KATNBL1: variants seen among roughly 807,000 people sequenced by gnomAD.
The protein encoded by KATNBL1 is KATNB1-like protein 1.
Under a neutral mutation model 44.7 loss-of-function variants are expected in KATNBL1, and 28 were observed. The ratio of observed to expected loss-of-function variants is 0.63; its 90% CI spans 0.46 to 0.86. The LOEUF (loss-of-function observed/expected upper bound fraction) is 0.86, where lower values mean the gene tolerates loss of function less well. KATNBL1 is among the 40% of genes least tolerant of loss of function. KATNBL1 has a pLI of 0.00. For synonymous variants in KATNBL1, 78 were observed against 114.9 expected (o/e 0.68, Z 2.06); for missense variants, 272 against 350.7 (o/e 0.78, Z 1.79).
chr15:34,162,052 A>G (rs141838569), intron 2 of KATNBL1, among the ~76,000 whole-genome samples: 2 of 152,204 alleles, frequency 1.3e-5, no homozygotes, highest in South Asian at 2.1e-4. Flanking sequence ...AATTCAACAG[A>G]TAAGTTTTTC....
chr15:34,206,263 C>T (rs1890290635), intron 1 of KATNBL1, among the ~76,000 whole-genome samples: 1 of 151,966 alleles, frequency 6.6e-6, no homozygotes, highest in African/African-American at 2.4e-5. Flanking sequence ...TTGCTCAAGG[C>T]AAAAAGAATT....
intron 1 of KATNBL1, chr15:34,198,345 T>C (rs1046192529): frequency 2.6e-5 from 4 of 152,154 alleles, no homozygotes; most frequent in African/African-American, 4.8e-5. Context: ...GTGGGAGAAA[T>C]AGACAAACAA....
At chr15:34,177,264 C>G (rs1410744907) in intron 1 of KATNBL1, among the ~76,000 whole-genome samples, 1 of 152,154 alleles carries the variant, frequency 6.6e-6, no homozygotes, top group African/African-American at 2.4e-5. Context: ...GGGATAAATT[C>G]TCTTTACATA....
intron 1 of KATNBL1, chr15:34,198,173 A>G (rs1392319682): frequency 6.6e-6 from 1 of 152,234 alleles, no homozygotes; most frequent in African/African-American, 2.4e-5. Context: ...TAATTGTAAA[A>G]TTATGAAATT....
At chr15:34,168,524 G>C (rs1046885350) in intron 1 of KATNBL1, among the ~76,000 whole-genome samples, 1 of 152,032 alleles carries the variant, frequency 6.6e-6, no homozygotes, top group African/African-American at 2.4e-5. Flanking sequence ...ATATTAGACA[G>C]ATCAGTGAGA....
intron 1 of KATNBL1, among the ~76,000 whole-genome samples, chr15:34,185,070 A>C (rs1441208800): frequency 6.6e-6 from 1 of 151,586 alleles, no homozygotes; most frequent in African/African-American, 2.4e-5. Flanking sequence ...CCCAAGCTCA[A>C]GTGATCCTGC....
chr15:34,186,798 G>A (rs1889729657), intron 1 of KATNBL1, among the ~76,000 whole-genome samples: 1 of 152,230 alleles, frequency 6.6e-6, no homozygotes, highest in Non-Finnish European at 1.5e-5. Context: ...AATGGCAGCG[G>A]GAGACAGACA....
At chr15:34,176,977 C>T (rs542982398) in intron 1 of KATNBL1, among the ~76,000 whole-genome samples, 1 of 151,514 alleles carries the variant, frequency 6.6e-6, no homozygotes, top group Admixed American at 6.6e-5. Context: ...TTTGATAATA[C>T]ACAAAAAAGT....
intron 1 of KATNBL1, among the ~76,000 whole-genome samples, chr15:34,200,400 G>A (rs113281692): frequency 0.012 from 1,765 of 149,330 alleles, 37 homozygotes; most frequent in African/African-American, 0.041. Flanking sequence ...TTACAGGTGC[G>A]TGCCACCACG....
chr15:34,198,561 T>C (rs561849103), intron 1 of KATNBL1, among the ~76,000 whole-genome samples: 2 of 152,372 alleles, frequency 1.3e-5, no homozygotes, highest in South Asian at 2.1e-4. Context: ...AATGTTTCTC[T>C]ACATTTTAAT....
At chr15:34,151,916 TCTGGATAA>T (rs1888490800) in intron 4 of KATNBL1, among the ~76,000 whole-genome samples, 1 of 151,528 alleles carries the variant, frequency 6.6e-6, no homozygotes, top group South Asian at 2.1e-4. Context: ...GCAAAATGTG[TCTGGATAA>T]CTGGCTTCGG....
At chr15:34,189,305 T>C (rs946634141) in intron 1 of KATNBL1, among the ~76,000 whole-genome samples, 9 of 152,240 alleles carry the variant, frequency 5.9e-5, no homozygotes, top group African/African-American at 2.2e-4. Flanking sequence ...ATTACAGGCG[T>C]GAGCCACTGC....
At chr15:34,179,468 G>A (rs982509785) in intron 1 of KATNBL1, among the ~76,000 whole-genome samples, 1 of 152,088 alleles carries the variant, frequency 6.6e-6, no homozygotes, top group Non-Finnish European at 1.5e-5. Context: ...GTGAACTCTG[G>A]AGCGCACATT....
At chr15:34,190,271 C>T (rs1567535539) in intron 1 of KATNBL1, among the ~76,000 whole-genome samples, 1 of 152,044 alleles carries the variant, frequency 6.6e-6, no homozygotes, top group African/African-American at 2.4e-5. Flanking sequence ...TTCTAAGAAG[C>T]TTACAATCTA....
intron 1 of KATNBL1, among the ~76,000 whole-genome samples, chr15:34,181,559 T>C (rs1334860525): frequency 6.8e-6 from 1 of 146,928 alleles, no homozygotes; most frequent in African/African-American, 2.5e-5. Context: ...CATATATATG[T>C]CCATATATAT....
chr15:34,184,630 A>C (rs1211696228), intron 1 of KATNBL1, among the ~76,000 whole-genome samples: 6 of 115,672 alleles, frequency 5.2e-5, no homozygotes, highest in Admixed American at 3.9e-4. Flanking sequence ...TGGAGAGTGC[A>C]GTGGCGATCT....
chr15:34,196,143 C>T (rs142977175), intron 1 of KATNBL1, among the ~76,000 whole-genome samples: 8,874 of 152,248 alleles, frequency 0.058, 362 homozygotes, highest in Non-Finnish European at 0.094. Flanking sequence ...ATCAGCCAGG[C>T]GTGGTGGCTC....
At chr15:34,186,783 C>A (rs1391083306) in intron 1 of KATNBL1, among the ~76,000 whole-genome samples, 3 of 152,230 alleles carry the variant, frequency 2.0e-5, no homozygotes, top group African/African-American at 7.2e-5. Flanking sequence ...AGCCCCAGGG[C>A]CATGAATGGC....
chr15:34,163,629 C>G lies in KATNBL1; in HGVS notation c.48G>C (p.Lys16Asn), dbSNP rs758242119. Reference protein sequence around the residue: ...HNVKKRNFCNKIEDHFIDLPR... With the variant: ...HNVKKRNFCNNIEDHFIDLPR... Reference sequence around the variant, plus strand: ...GAAGATCAATGAAATGATCCTCAATCTTATTACAAAAGTTCCGTTTTTTAA... The same window carrying G: ...GAAGATCAATGAAATGATCCTCAATGTTATTACAAAAGTTCCGTTTTTTAA... Residue 16 changes from lysine (K) to asparagine (N), a missense_variant, in exon 2 of 10, where the codon AAG (lysine) becomes AAC (asparagine). By Grantham distance (94) the Lys-to-Asn change is moderately conservative. Coordinates refer to ENST00000256544, the MANE Select transcript of KATNBL1 (RefSeq NM_024713.3). The G allele has an allele frequency of 7.5e-6, 12 of 1,599,470 alleles. No individual in the cohort carries two copies. The highest frequency in any genetic ancestry group is 3.5e-5 in the Admixed American group (2 of 56,604).
Sources: allele counts gnomAD v4.1 joint callset (sites outside exome capture counted in the v4.1 genomes callset), GRCh38; gene constraint gnomAD v4.1.1; transcripts MANE v1.5; gene names NCBI Gene and HGNC (gene_info 2026-07-23, HGNC 2026-07-21).